The following SOX5 variants were observed in gnomAD, a reference collection of about 807,000 sequenced individuals.
The protein encoded by SOX5 is SRY-box transcription factor 5.
In SOX5, 9 loss-of-function variants were observed where a neutral mutation model predicts 92.0. That is an observed-to-expected ratio of 0.10 (90% CI 0.06 to 0.17). SOX5 has a LOEUF of 0.17. Among genes scored for constraint, SOX5 ranks in the 10% least tolerant of loss-of-function variants. The probability of loss-of-function intolerance (pLI) is 1.00; values close to 1 mark genes in which losing one functional copy is unlikely to be tolerated. For synonymous variants in SOX5, 344 were observed against 336.3 expected, an observed-to-expected ratio of 1.02 and a Z score of -0.25; for missense variants, 642 against 944.5, an observed-to-expected ratio of 0.68 and a Z score of 4.20.
At chr12:23,799,551 C>T (rs867776147) in intron 3 of SOX5, among the ~76,000 whole-genome samples, 1 of 151,912 alleles carries the variant, frequency 6.6e-6, no homozygotes, top group Middle Eastern at 3.2e-3. Flanking sequence ...GATAAAGCAA[C>T]CAATATCCGA....
intron 8 of SOX5, among the ~76,000 whole-genome samples, chr12:23,634,004 T>C (rs900872757): frequency 2.6e-5 from 4 of 152,152 alleles, no homozygotes; most frequent in African/African-American, 9.7e-5. Context: ...TTTTTCATAC[T>C]CTTAGAATCT....
intron 4 of SOX5, among the ~76,000 whole-genome samples, chr12:24,015,749 G>C (rs187800477): frequency 6.6e-6 from 1 of 152,218 alleles, no homozygotes; most frequent in East Asian, 1.9e-4. Flanking sequence ...ATTCCTGTCA[G>C]GATGCAACTC....
chr12:24,185,350 C>T (rs1377902535), intron 4 of SOX5, among the ~76,000 whole-genome samples: 4 of 152,120 alleles, frequency 2.6e-5, no homozygotes, highest in Non-Finnish European at 2.9e-5. Flanking sequence ...TCCTCTCCCT[C>T]AGCCCCACCA....
At chr12:24,066,509 AGAAT>A (rs1342940783) in intron 4 of SOX5, among the ~76,000 whole-genome samples, 2 of 152,230 alleles carry the variant, frequency 1.3e-5, no homozygotes, top group East Asian at 1.9e-4. Flanking sequence ...TAACAATAAA[AGAAT>A]GAATTTTTAA....
chr12:24,277,541 G>GTAAATTTACATT (rs1944632783), intron 2 of SOX5, among the ~76,000 whole-genome samples: 5 of 61,784 alleles, frequency 8.1e-5, no homozygotes, highest in Non-Finnish European at 8.5e-5. Context: ...TAATTTATAT[G>GTAAATTTACATT]TATATAAATT....
At chr12:24,517,902 T>C (rs920427943) in intron 1 of SOX5, among the ~76,000 whole-genome samples, 2 of 152,140 alleles carry the variant, frequency 1.3e-5, no homozygotes, top group Non-Finnish European at 2.9e-5. Context: ...CCTACTATTT[T>C]CAAGTAGACA....
At chr12:24,212,277 A>G (rs959143359) in intron 4 of SOX5, 5 of 466,830 alleles carry the variant, frequency 1.1e-5, no homozygotes, top group Admixed American at 8.7e-5. Context: ...ATGCTAAAAC[A>G]TAACAAAATC....
chr12:24,082,404 G>GAAAAAAAAAAAAAAAAAAAAAAAAAA (rs58736325), intron 4 of SOX5, among the ~76,000 whole-genome samples: 1 of 73,386 alleles, frequency 1.4e-5, no homozygotes, highest in African/African-American at 5.5e-5. Context: ...CTTTCGAAAA[G>GAAAAAAAAAAAAAAAAAAAAAAAAAA]AAAAAAAAAA....
chr12:23,563,752 A>AT (rs1592102920), intron 10 of SOX5, among the ~76,000 whole-genome samples: 1 of 152,036 alleles, frequency 6.6e-6, no homozygotes, highest in South Asian at 2.1e-4. Flanking sequence ...CCCATTTTTA[A>AT]TTTTTTTTCC....
chr12:24,000,297 A>G (rs976521361), intron 4 of SOX5, among the ~76,000 whole-genome samples: 4 of 151,830 alleles, frequency 2.6e-5, no homozygotes, highest in Non-Finnish European at 5.9e-5. Flanking sequence ...AACTAAATAT[A>G]TTTTCATCCT....
At chr12:24,084,557 A>G (rs932740115) in intron 4 of SOX5, among the ~76,000 whole-genome samples, 2 of 152,096 alleles carry the variant, frequency 1.3e-5, no homozygotes, top group Non-Finnish European at 2.9e-5. Context: ...TATACATTTC[A>G]TTTCAGAATC....
At chr12:23,564,458 G>A (rs2136379720) in intron 10 of SOX5, among the ~76,000 whole-genome samples, 1 of 152,254 alleles carries the variant, frequency 6.6e-6, no homozygotes, top group African/African-American at 2.4e-5. Flanking sequence ...GTGACACGAG[G>A]CTAAATCTAA....
At chr12:23,945,998 T>C (rs1944529338) in intron 1 of SOX5, among the ~76,000 whole-genome samples, 1 of 152,138 alleles carries the variant, frequency 6.6e-6, no homozygotes, top group Non-Finnish European at 1.5e-5. Flanking sequence ...TACGAATTAG[T>C]TTGTAACAGC....
intron 4 of SOX5, among the ~76,000 whole-genome samples, chr12:24,062,768 C>G (rs1377916937): frequency 6.6e-6 from 1 of 152,206 alleles, no homozygotes; most frequent in Non-Finnish European, 1.5e-5. Context: ...GGCTTAGAAA[C>G]TGAACAGGGA....
intron 3 of SOX5, among the ~76,000 whole-genome samples, chr12:24,263,252 G>T (rs1292287461): frequency 7.2e-5 from 11 of 151,800 alleles, no homozygotes; most frequent in African/African-American, 2.7e-4. Flanking sequence ...ACTAGGCCGG[G>T]TGTGGTGGCT....
chr12:23,821,241 A>G (rs2096108910), intron 3 of SOX5, among the ~76,000 whole-genome samples: 1 of 152,176 alleles, frequency 6.6e-6, no homozygotes, highest in African/African-American at 2.4e-5. Flanking sequence ...TTTTTGATGT[A>G]TAGGAATGCT....
intron 4 of SOX5, among the ~76,000 whole-genome samples, chr12:24,203,714 T>C (rs1461566209): frequency 6.6e-6 from 1 of 152,200 alleles, no homozygotes; most frequent in East Asian, 1.9e-4. Context: ...ACCCATATCT[T>C]GTGAAATACA....
chr12:23,864,404 T>G (rs1461261275), intron 2 of SOX5, among the ~76,000 whole-genome samples: 1 of 152,148 alleles, frequency 6.6e-6, no homozygotes, highest in Non-Finnish European at 1.5e-5. Flanking sequence ...AGCTAGAAAT[T>G]ATTATACTTA....
chr12:24,335,974 T>TATATATATATGTG (rs1555235775), intron 2 of SOX5, among the ~76,000 whole-genome samples: 1 of 138,032 alleles, frequency 7.2e-6, no homozygotes, highest in Non-Finnish European at 1.6e-5. Flanking sequence ...AATGCTATCA[T>TATATATATATGTG]ATATATATAT....
Sources: gnomAD v4.1 joint callset for allele counts (sites outside exome capture counted in the v4.1 genomes callset) on GRCh38, gnomAD v4.1.1 for gene constraint, MANE v1.5 for transcripts, NCBI Gene and HGNC (gene_info 2026-07-23, HGNC 2026-07-21) for gene names.